Variants in RIC1 observed in about 807,000 individuals in gnomAD.
RIC1 encodes RIC1 partner of RAB6A GEF complex.
Under a neutral mutation model 169.0 loss-of-function variants are expected in RIC1, and 88 were observed. The observed-to-expected ratio is 0.52, with a 90% CI of 0.44 to 0.62. The LOEUF is 0.62. Among genes scored for constraint, RIC1 ranks in the 20% least tolerant of loss-of-function variants. The probability of loss-of-function intolerance (pLI) is 0.00; values close to 1 mark genes in which losing one functional copy is unlikely to be tolerated. For missense variants in RIC1, 1,877 were observed against 1,725.5 expected, an observed-to-expected ratio of 1.09 and a Z score of -1.56; for synonymous variants, 790 against 601.5, an observed-to-expected ratio of 1.31 and a Z score of -4.59.
intron 2 of RIC1, among the ~76,000 whole-genome samples, chr9:5,684,136 C>T (rs566093539): frequency 3.1e-4 from 47 of 152,142 alleles, no homozygotes; most frequent in East Asian, 2.1e-3. Flanking sequence ...ACGCACAGTG[C>T]GCTGCACCCA....
chr9:5,637,294 C>T (rs1818017266), intron 1 of RIC1, among the ~76,000 whole-genome samples: 1 of 151,996 alleles, frequency 6.6e-6, no homozygotes, highest in African/African-American at 2.4e-5. Context: ...GTCTTGAACT[C>T]CTGAGCTCAA....
chr9:5,720,580 T>C lies in RIC1; in HGVS notation c.584-34T>C, dbSNP rs755112942. 4 of 1,557,208 alleles carry C rather than the reference T, an allele frequency of 2.6e-6. No individual in the cohort carries two copies. The South Asian group carries it at 3.7e-5, about 14-fold the overall frequency. On this transcript the variant is annotated intron_variant, in intron 5 of 25. Coordinates refer to ENST00000414202, the MANE Select transcript of RIC1 (RefSeq NM_020829.4). ...GTGAGAGAGTAATTTATTATATTCT[T>C]AATCCTATTTCATGTGCTTATTTTT...
intron 8 of RIC1, among the ~76,000 whole-genome samples, chr9:5,740,998 C>T (rs935164601): frequency 1.3e-5 from 2 of 152,206 alleles, no homozygotes; most frequent in African/African-American, 4.8e-5. Flanking sequence ...ACCTCCCATA[C>T]ATCCCTTGGA....
chr9:5,678,929 T>G (rs1475594126), intron 2 of RIC1, among the ~76,000 whole-genome samples: 2 of 152,084 alleles, frequency 1.3e-5, no homozygotes, highest in African/African-American at 4.8e-5. Flanking sequence ...CATGCCTATG[T>G]CCTGAATGGT....
At chr9:5,720,078 T>C (rs1001900377) in intron 4 of RIC1, 104 bp from the exon 5 acceptor site, 8 of 802,072 alleles carry the variant, frequency 1.0e-5, no homozygotes, top group African/African-American at 1.7e-5. Context: ...TTGTAAATGG[T>C]TTCATGATCA....
chr9:5,765,711 G>A lies in RIC1; in HGVS notation c.3050G>A (p.Ser1017Asn). ...GAGTTCTTCAGGAATCGAAGCATCA[G>A]TTTATCCCAGTCAGCTGAAAATGTT... ...GFEFFRNRSI[S>N]LSQSAENVPA... The change falls in exon 21 of 26, where the codon AGT becomes AAT. Residue 1017 changes from serine to asparagine, a missense_variant. By Grantham distance (46) the Ser-to-Asn change is conservative (BLOSUM62 1). This residue lies in a region of RIC1 where 681 missense variants were observed against 582.0 expected (regional missense o/e 1.17). Coordinates refer to ENST00000414202, the MANE Select transcript of RIC1 (RefSeq NM_020829.4). 2 of 1,614,156 alleles carry A rather than the reference G, an allele frequency of 1.2e-6. No individual in the cohort carries two copies. The highest frequency in any genetic ancestry group is 1.3e-5 in the African/African-American group (1 of 75,048).
chr9:5,730,346 C>T (rs1211915655), intron 6 of RIC1, among the ~76,000 whole-genome samples: 2 of 152,166 alleles, frequency 1.3e-5, no homozygotes, highest in Non-Finnish European at 2.9e-5. Context: ...GCCAGCAATC[C>T]AGTGAGCTAA....
chr9:5,675,786 C>G (rs567935356), intron 2 of RIC1, among the ~76,000 whole-genome samples: 1 of 152,262 alleles, frequency 6.6e-6, no homozygotes, highest in South Asian at 2.1e-4. Context: ...TAAACTTTCA[C>G]TAAACTCTTC....
intron 3 of RIC1, among the ~76,000 whole-genome samples, chr9:5,710,784 G>C (rs1822884710): frequency 6.6e-6 from 1 of 152,120 alleles, no homozygotes. Flanking sequence ...GGGGGGAGTG[G>C]ATGAGAAAAT....
intron 2 of RIC1, among the ~76,000 whole-genome samples, chr9:5,688,955 A>G (rs1027872811): frequency 6.6e-6 from 1 of 152,146 alleles, no homozygotes; most frequent in East Asian, 1.9e-4. Context: ...CAGAAATGTA[A>G]AATGGTTGTT....
chr9:5,679,515 T>A (rs767676152), intron 2 of RIC1, among the ~76,000 whole-genome samples: 1 of 152,202 alleles, frequency 6.6e-6, no homozygotes, highest in Non-Finnish European at 1.5e-5. Flanking sequence ...TTTTATTTCA[T>A]TGGGCAGTGC....
At chr9:5,772,323 G>C (rs572452619) in intron 23 of RIC1, among the ~76,000 whole-genome samples, 1 of 152,134 alleles carries the variant, frequency 6.6e-6, no homozygotes, top group Non-Finnish European at 1.5e-5. Flanking sequence ...TGAGGGAGTT[G>C]GGGAAGACTG....
intron 3 of RIC1, among the ~76,000 whole-genome samples, chr9:5,702,538 TTTTGTTTGTTTG>T (rs71487826): frequency 6.3e-5 from 5 of 79,304 alleles, no homozygotes; most frequent in Non-Finnish European, 1.2e-4. Context: ...TTGTTTTTGT[TTTTGTTTGTTTG>T]TTTGTTTGAG....
chr9:5,729,323 A>G (rs1824211765), intron 6 of RIC1, among the ~76,000 whole-genome samples: 2 of 152,178 alleles, frequency 1.3e-5, no homozygotes, highest in African/African-American at 2.4e-5. Flanking sequence ...GCTTTGGGGA[A>G]GTGCTCTGGG....
intron 1 of RIC1, among the ~76,000 whole-genome samples, chr9:5,635,440 T>C (rs1455752332): frequency 6.6e-6 from 1 of 152,226 alleles, no homozygotes; most frequent in Non-Finnish European, 1.5e-5. Flanking sequence ...AAGTCAGTGT[T>C]GCAAGATGTG....
At chr9:5,719,935 T>C (rs963133675) in intron 4 of RIC1, among the ~76,000 whole-genome samples, 2 of 152,228 alleles carry the variant, frequency 1.3e-5, no homozygotes, top group African/African-American at 4.8e-5. Context: ...TGTTTCAATA[T>C]TTGTAGTTTT....
intron 1 of RIC1, among the ~76,000 whole-genome samples, chr9:5,629,688 C>T (rs1011273313): frequency 2.7e-4 from 41 of 151,970 alleles, no homozygotes; most frequent in Admixed American, 2.5e-3. Context: ...AATCCCTGAG[C>T]CTCCCCGCGT....
At chr9:5,698,039 T>A (rs1288130976) in intron 3 of RIC1, among the ~76,000 whole-genome samples, 5 of 152,168 alleles carry the variant, frequency 3.3e-5, no homozygotes, top group Non-Finnish European at 7.4e-5. Context: ...GGAAAAACAC[T>A]ATAATTAATT....
intron 1 of RIC1, among the ~76,000 whole-genome samples, chr9:5,650,881 C>T (rs1818765463): frequency 6.6e-6 from 1 of 152,176 alleles, no homozygotes; most frequent in Admixed American, 6.5e-5. Context: ...AGTGGCATTG[C>T]ATCACTGTAG....
Sources: gnomAD v4.1 joint callset for allele counts (sites outside exome capture counted in the v4.1 genomes callset) on GRCh38, gnomAD v4.1.1 for gene constraint, gnomAD v4.1.1 regional missense constraint, MANE v1.5 for transcripts, NCBI Gene and HGNC (gene_info 2026-07-23, HGNC 2026-07-21) for gene names.